Variants in LRRTM4 observed in about 807,000 individuals in gnomAD.
The protein encoded by LRRTM4 is leucine-rich repeat transmembrane neuronal protein 4.
In LRRTM4, 25 loss-of-function variants were observed where a neutral mutation model predicts 47.6. The ratio of observed to expected loss-of-function variants is 0.53; its 90% CI spans 0.38 to 0.73. The LOEUF is 0.73. LRRTM4 is among the 30% of genes least tolerant of loss of function. The probability of loss-of-function intolerance (pLI) is 0.00; values close to 1 mark genes in which losing one functional copy is unlikely to be tolerated. For synonymous variants in LRRTM4, 311 were observed against 269.5 expected (o/e 1.15, Z -1.51); for missense variants, 638 against 713.4 (o/e 0.89, Z 1.20).
At chr2:77,240,018 T>C (rs1030410149) in intron 3 of LRRTM4, among the ~76,000 whole-genome samples, 1 of 152,026 alleles carries the variant, frequency 6.6e-6, no homozygotes, top group East Asian at 1.9e-4. Context: ...TCTATCAAGA[T>C]AGACCATATT....
intron 3 of LRRTM4, among the ~76,000 whole-genome samples, chr2:77,134,604 C>T (rs1671883947): frequency 6.6e-6 from 1 of 152,140 alleles, no homozygotes; most frequent in African/African-American, 2.4e-5. Flanking sequence ...CTAAAAAACA[C>T]AGTGAGCTTT....
intron 3 of LRRTM4, among the ~76,000 whole-genome samples, chr2:77,276,347 AAAAAGG>A (rs200488056): frequency 0.05 from 7,247 of 145,886 alleles, 598 homozygotes; most frequent in African/African-American, 0.18. Context: ...GAAGGAAGGA[AAAAAGG>A]AAGGAAGGAG....
chr2:77,108,746 G>A (rs887363067), intron 3 of LRRTM4, among the ~76,000 whole-genome samples: 1 of 151,684 alleles, frequency 6.6e-6, no homozygotes, highest in Non-Finnish European at 1.5e-5. Flanking sequence ...ACCACGCCCG[G>A]CTAATTTTTT....
At position 76,795,262 on chromosome 2, in the gene LRRTM4, G is replaced by C. The variant is rs1047049675; in HGVS notation, c.1552-46346C>G. On this transcript the variant is annotated intron_variant, in intron 3 of 3. Transcript: ENST00000409884. Reference sequence around the variant, plus strand: ...TGTACTTTAAAAATCATTTTTAATTGACAAATACAAATTTCATATACTTAT... The same window carrying C: ...TGTACTTTAAAAATCATTTTTAATTCACAAATACAAATTTCATATACTTAT... 9.2e-5 allele frequency among the ~76,000 whole-genome samples: 14 copies of C among 152,132 alleles called. No individual in the cohort carries two copies. In the South Asian group the frequency reaches 2.7e-3, roughly 29 times the overall value.
intron 3 of LRRTM4, among the ~76,000 whole-genome samples, chr2:76,760,492 A>ACTG (rs1673213291): frequency 6.6e-6 from 1 of 152,102 alleles, no homozygotes. Context: ...CAAGAGATAG[A>ACTG]CTGCTGGTAC....
At chr2:77,254,952 A>T (rs1034553606) in intron 3 of LRRTM4, among the ~76,000 whole-genome samples, 3 of 151,726 alleles carry the variant, frequency 2.0e-5, no homozygotes, top group African/African-American at 7.3e-5. Flanking sequence ...AATTACATTC[A>T]TTAAACGTAA....
chr2:77,411,914 T>C (rs1674457322), intron 3 of LRRTM4, among the ~76,000 whole-genome samples: 1 of 152,180 alleles, frequency 6.6e-6, no homozygotes, highest in Non-Finnish European at 1.5e-5. Context: ...ACACTTGAAC[T>C]ACTGTCAGTG....
intron 3 of LRRTM4, among the ~76,000 whole-genome samples, chr2:77,088,465 C>T (rs1680802243): frequency 1.3e-5 from 2 of 152,094 alleles, no homozygotes; most frequent in East Asian, 3.9e-4. Context: ...CGACTGAGCA[C>T]CTTGCGACCC....
chr2:77,048,715 TC>T (rs140229809), intron 3 of LRRTM4, among the ~76,000 whole-genome samples: 18,267 of 151,974 alleles, frequency 0.12, 1,381 homozygotes, highest in Admixed American at 0.19. Context: ...TATGTAATTA[TC>T]AATTCAGGGT....
rs1031010024 is a variant in LRRTM4, at chr2:76,967,094, G to A, written c.1552-218178C>T. On this transcript the variant is annotated intron_variant, in intron 3 of 3. Transcript: ENST00000409884. Reference sequence around the variant, plus strand: ...CATAACATCACATGTTTACTGTCTTGTAGCTGTTTCTACCTGTTATGCCTT... The same window carrying A: ...CATAACATCACATGTTTACTGTCTTATAGCTGTTTCTACCTGTTATGCCTT... 2.7e-5 allele frequency among the ~76,000 whole-genome samples: 4 copies of A among 149,842 alleles called. No individual in the cohort carries two copies. The Admixed American group carries it at 2.7e-4, about 10-fold the overall frequency.
chr2:77,130,697 GA>G (rs1490805895), intron 3 of LRRTM4, among the ~76,000 whole-genome samples: 1 of 151,080 alleles, frequency 6.6e-6, no homozygotes, highest in Admixed American at 6.6e-5. Flanking sequence ...ATTTTTAGTA[GA>G]GACGGGGTTT....
intron 3 of LRRTM4, among the ~76,000 whole-genome samples, chr2:77,450,627 T>C (rs891990559): frequency 6.6e-6 from 1 of 152,122 alleles, no homozygotes; most frequent in Non-Finnish European, 1.5e-5. Context: ...ATTTCAGAGT[T>C]GAAACAATAC....
chr2:77,268,245 C>G (rs1457062285), intron 3 of LRRTM4, among the ~76,000 whole-genome samples: 1 of 152,098 alleles, frequency 6.6e-6, no homozygotes, highest in Admixed American at 6.6e-5. Flanking sequence ...CAATACCCAT[C>G]GTATTCCCCT....
chr2:77,014,503 C>CAT (rs71381251), intron 3 of LRRTM4, among the ~76,000 whole-genome samples: 13,962 of 139,074 alleles, frequency 0.1, 1,391 homozygotes, highest in African/African-American at 0.2. Flanking sequence ...TGTGCCCTTT[C>CAT]ATATATATAT....
intron 3 of LRRTM4, among the ~76,000 whole-genome samples, chr2:77,048,037 C>G (rs1679291843): frequency 2.0e-5 from 3 of 151,912 alleles, no homozygotes; most frequent in East Asian, 1.9e-4. Flanking sequence ...CATTTTGATA[C>G]AAAACATATC....
chr2:77,480,053 G>C (rs569881070), intron 3 of LRRTM4, among the ~76,000 whole-genome samples: 2 of 152,282 alleles, frequency 1.3e-5, no homozygotes, highest in East Asian at 3.9e-4. Flanking sequence ...GGAGGAAGGT[G>C]AACTTCACAG....
At chr2:76,801,098 G>A (rs187313977) in intron 3 of LRRTM4, among the ~76,000 whole-genome samples, 1,997 of 151,398 alleles carry the variant, frequency 0.013, 52 homozygotes, top group African/African-American at 0.039. Context: ...TGTGGAAGTC[G>A]GTGTGGCGAT....
intron 3 of LRRTM4, among the ~76,000 whole-genome samples, chr2:77,248,740 C>A (rs1425099164): frequency 6.6e-6 from 1 of 151,922 alleles, no homozygotes; most frequent in African/African-American, 2.4e-5. Flanking sequence ...GAAATAGACG[C>A]ACATAATTAT....
At chr2:76,828,775 C>T (rs1156491741) in intron 3 of LRRTM4, among the ~76,000 whole-genome samples, 1 of 151,888 alleles carries the variant, frequency 6.6e-6, no homozygotes, top group South Asian at 2.1e-4. Context: ...AGCTTCTTTT[C>T]ACTCAGTAGC....
Sources: allele counts gnomAD v4.1 joint callset (sites outside exome capture counted in the v4.1 genomes callset), GRCh38; gene constraint gnomAD v4.1.1; transcripts MANE v1.5; gene names NCBI Gene and HGNC (gene_info 2026-07-23, HGNC 2026-07-21).